Variants in ZZEF1 observed in about 807,000 individuals in gnomAD.
The protein encoded by ZZEF1 is zinc finger ZZ-type and EF-hand domain-containing protein 1.
ZZEF1 carries 157 observed loss-of-function variants against 342.8 expected under a neutral mutation model. The observed-to-expected ratio is 0.46, with a 90% CI of 0.40 to 0.52. The LOEUF (loss-of-function observed/expected upper bound fraction) is 0.52. Among genes scored for constraint, ZZEF1 ranks in the 20% least tolerant of loss-of-function variants. ZZEF1 has a pLI of 0.00. For missense variants in ZZEF1, 3,480 were observed against 3,725.6 expected (o/e 0.93, Z 1.72); for synonymous variants, 1,505 against 1,429.1 (o/e 1.05, Z -1.20).
At chr17:4,079,823 A>G (rs2145322479) in intron 18 of ZZEF1, among the ~76,000 whole-genome samples, 1 of 152,346 alleles carries the variant, frequency 6.6e-6, no homozygotes, top group South Asian at 2.1e-4. Context: ...CAGCAACTCA[A>G]AACAGTAAGG....
intron 6 of ZZEF1, among the ~76,000 whole-genome samples, chr17:4,106,480 G>GAAA (rs71144161): frequency 2.1e-5 from 3 of 144,298 alleles, no homozygotes; most frequent in Non-Finnish European, 4.5e-5. Flanking sequence ...CAGCAACAGG[G>GAAA]AAAAAAAAAA....
intron 4 of ZZEF1, among the ~76,000 whole-genome samples, chr17:4,113,815 A>T (rs911095473): frequency 6.6e-6 from 1 of 152,126 alleles, no homozygotes; most frequent in African/African-American, 2.4e-5. Flanking sequence ...ACAAAAAAGT[A>T]TAAAGAAATT....
rs1278163937 is a variant in ZZEF1, at chr17:4,004,634, C to T, written c.*2256G>A. ...TAAAAACGGTGATGAAAATACGTCA[C>T]TCCTCTCGTTAGGAACAGTGTCTGT... On this transcript the variant is annotated 3_prime_UTR_variant, in exon 55 of 55. Coordinates refer to ENST00000381638, the MANE Select transcript of ZZEF1 (RefSeq NM_015113.4). 1 of 152,546 alleles carries T rather than the reference C, an allele frequency of 6.6e-6. No homozygotes were observed. Among genetic ancestry groups the T allele is most frequent in the East Asian group, 1.9e-4 (1 of 5,202 alleles). 9.4% of individuals were successfully genotyped at this position (152,546 alleles called of 1,614,324 possible).
Position 4,017,934 on chromosome 17 carries a change from G to A in ZZEF1, c.7543C>T (p.Arg2515Trp), listed in dbSNP as rs200430683. The A allele has an allele frequency of 2.2e-5, 35 of 1,613,830 alleles. 1 individual carries two copies. Among genetic ancestry groups the A allele is most frequent in the South Asian group, 4.4e-5 (4 of 91,088 alleles). The change falls in exon 47 of 55, where the codon CGG (arginine) becomes TGG (tryptophan). Residue 2515 changes from arginine to tryptophan, a missense_variant. Physicochemically the swap from Arg to Trp is moderately radical, Grantham distance 101 (BLOSUM62 -3). Transcript: ENST00000381638. This position sits in a 1 kb window ranked among gnomAD's most constrained non-coding sequence, Gnocchi z 5.1. ...GGCTGCCACCGCTGAGCCAGGGACC[G>A]TATCCTTTCATCTGTGGTGAGCTCA... ...GDELTTDERI[R>W]SLAQRWQPSK...
At chr17:4,081,760 A>G (rs1324753304) in intron 17 of ZZEF1, among the ~76,000 whole-genome samples, 21 of 152,248 alleles carry the variant, frequency 1.4e-4, no homozygotes, top group Admixed American at 1.3e-3. Context: ...TTGGCCACCA[A>G]TATGAAATAC....
At position 4,009,020 on chromosome 17, in the gene ZZEF1, C is replaced by G. The variant is rs1315981980; in HGVS notation, c.8734-66G>C. ...TGCGCAGTGCAGCTCTCCCAGACCA[C>G]CTGGGACACCTGCTTGCGAAAGCAG... On this transcript the variant is annotated intron_variant, in intron 53 of 54. Transcript: ENST00000381638. 3 of 1,497,918 alleles carry G rather than the reference C, an allele frequency of 2.0e-6. No individual in the cohort carries two copies. The African/African-American group carries it at 4.2e-5, about 21-fold the overall frequency. 92.8% of individuals were successfully genotyped at this position (1,497,918 alleles called of 1,614,324 possible).
At chr17:4,132,567 A>T (rs9892340) in intron 1 of ZZEF1, among the ~76,000 whole-genome samples, 3 of 147,614 alleles carry the variant, frequency 2.0e-5, no homozygotes, top group Non-Finnish European at 4.5e-5. Flanking sequence ...GCTTGGTGGC[A>T]GGCGCCTGTA....
rs200105435 is a variant in ZZEF1, at chr17:4,111,065, ACT to A, written c.1067-1204_1067-1203del. ...ATAAGGATATTCGTGAATATAACAC[ACT>A]CTAAAAAATTACAAAAGAACATGCA... On this transcript the variant is annotated intron_variant, in intron 5 of 54. Transcript: ENST00000381638. Among the ~76,000 whole-genome samples, 1,292 of 152,298 alleles carry A rather than the reference ACT, an allele frequency of 8.5e-3. 17 individuals carry two copies. Among genetic ancestry groups the A allele is most frequent in the African/African-American group, 0.03 (1,233 of 41,558 alleles).
chr17:4,045,255 CT>C (rs369052952), intron 37 of ZZEF1, among the ~76,000 whole-genome samples: 250 of 152,256 alleles, frequency 1.6e-3, no homozygotes, highest in African/African-American at 5.8e-3. Context: ...TATTAAAAAC[CT>C]CTCATACATT....
chr17:4,045,625 T>TG (rs1198519406), intron 37 of ZZEF1, among the ~76,000 whole-genome samples: 1 of 152,184 alleles, frequency 6.6e-6, no homozygotes, highest in African/African-American at 2.4e-5. Context: ...GACAGAGTTG[T>TG]GGGTTGTATA....
intron 7 of ZZEF1, among the ~76,000 whole-genome samples, chr17:4,105,315 C>T (rs1313679457): frequency 6.6e-6 from 1 of 152,220 alleles, no homozygotes; most frequent in Admixed American, 6.5e-5. Flanking sequence ...TCACTGCTAT[C>T]AAGCTATCCA....
rs749247444 is a variant in ZZEF1 at position 4,032,139 on chromosome 17, C to G, written c.6879G>C (p.Arg2293=). The G allele has an allele frequency of 6.2e-7, 1 of 1,611,214 alleles. No individual in the cohort carries two copies. Among genetic ancestry groups the G allele is most frequent in the South Asian group, 1.1e-5 (1 of 90,330 alleles). The change falls in exon 42 of 55, where the codon CGG becomes CGC. Residue 2293 remains arginine, a synonymous_variant. Coordinates refer to ENST00000381638, the MANE Select transcript of ZZEF1 (RefSeq NM_015113.4). ...TACGCATGGTACCTGTTTTCCTCTTCCGAGTTTTGACATCAACAATCACAG... is the reference window on the plus strand; with the variant it reads ...TACGCATGGTACCTGTTTTCCTCTTGCGAGTTTTGACATCAACAATCACAG... ...NRAVIVDVKT[R]KRKTVKDYQL...
rs1173893206 is a variant in ZZEF1 at position 4,135,229 on chromosome 17, A to G, written c.354+7313T>C. Among the ~76,000 whole-genome samples, 3 of 152,194 alleles carry G rather than the reference A, an allele frequency of 2.0e-5. No individual in the cohort carries two copies. In the East Asian group the frequency reaches 5.8e-4, roughly 29 times the overall value. On this transcript the variant is annotated intron_variant, in intron 1 of 54. Transcript: ENST00000381638. ...GTTGGCTTACGCCTGTAATCCCAGC[A>G]CTTCGGGAGCCCAAGGCAGTAGGAT...
intron 52 of ZZEF1, 60 bp downstream of exon 52, chr17:4,013,389 C>G: frequency 2.3e-5 from 34 of 1,448,226 alleles, no homozygotes; most frequent in Non-Finnish European, 2.9e-5. Context: ...AAGAAAGGGC[C>G]AGCCACAGAG....
chr17:4,044,797 G>A (rs67859719), intron 37 of ZZEF1, among the ~76,000 whole-genome samples: 39,684 of 151,874 alleles, frequency 0.26, 5,382 homozygotes, highest in Admixed American at 0.38. Context: ...GATTACAGGC[G>A]TGAGCTACCA....
At chr17:4,112,366 G>A (rs915466909) in intron 5 of ZZEF1, among the ~76,000 whole-genome samples, 1 of 151,624 alleles carries the variant, frequency 6.6e-6, no homozygotes, top group South Asian at 2.1e-4. Context: ...GGCTGTTTTC[G>A]AACTCCTGAT....
At chr17:4,112,555 T>TA (rs1015370683) in intron 5 of ZZEF1, 54 bp downstream of exon 5, 2 of 1,581,954 alleles carry the variant, frequency 1.3e-6, no homozygotes, top group Admixed American at 3.5e-5. Flanking sequence ...CACTTCAAAG[T>TA]AAAAAATACT....
intron 39 of ZZEF1, among the ~76,000 whole-genome samples, chr17:4,037,822 A>G (rs2056708641): frequency 1.3e-5 from 2 of 151,790 alleles, no homozygotes; most frequent in African/African-American, 4.8e-5. Context: ...GGTTCAAGCA[A>G]CCCTCCTACT....
At chr17:4,112,461 C>A (rs2058329202) in intron 5 of ZZEF1, 148 bp downstream of exon 5, 2 of 893,426 alleles carry the variant, frequency 2.2e-6, no homozygotes, top group Non-Finnish European at 3.5e-6. Flanking sequence ...TCTATAATTT[C>A]TACAACACTT....
Sources: gnomAD v4.1 joint callset for allele counts (sites outside exome capture counted in the v4.1 genomes callset) on GRCh38, gnomAD v4.1.1 for gene constraint, Gnocchi (gnomAD v3.1) non-coding constraint, MANE v1.5 for transcripts, NCBI Gene and HGNC (gene_info 2026-07-23, HGNC 2026-07-21) for gene names.